CLSTN1: variants seen among roughly 807,000 people sequenced by gnomAD.
CLSTN1 encodes calsyntenin 1.
CLSTN1 carries 28 observed loss-of-function variants against 108.3 expected under a neutral mutation model. The observed-to-expected ratio is 0.26, with a 90% CI of 0.19 to 0.35. CLSTN1 has a LOEUF of 0.35. Among genes scored for constraint, CLSTN1 ranks in the 10% least tolerant of loss-of-function variants. CLSTN1 has a pLI of 1.00. For synonymous variants in CLSTN1, 524 were observed against 534.9 expected (o/e 0.98, Z 0.28); for missense variants, 1,157 against 1,302.6 (o/e 0.89, Z 1.72).
At chr1:9,756,625 G>C (rs966832481) in intron 2 of CLSTN1, 115 bp from the exon 3 acceptor site, 29 of 812,210 alleles carry the variant, frequency 3.6e-5, no homozygotes, top group Non-Finnish European at 5.0e-5. Flanking sequence ...CAAGCTCAGC[G>C]ACCGGCTTCT....
Position 9,734,200 on chromosome 1 carries a change from G to C in CLSTN1, c.2111-58C>G. 6.4e-7 allele frequency: 1 copy of C among 1,557,358 alleles called. No individual in the cohort carries two copies. The highest frequency in any genetic ancestry group is 1.1e-5 in the South Asian group (1 of 87,348). On this transcript the variant is annotated intron_variant, in intron 14 of 18. Coordinates refer to ENST00000377298, the MANE Select transcript of CLSTN1 (RefSeq NM_001009566.3). The surrounding 1 kb of genome is among the most constrained non-coding windows in gnomAD (Gnocchi z 4.8). ...AGGGGCAGTGGGGCCCAGCGTGGCG[G>C]GGCACACTGGATGCCCTGCCGGCTC...
intron 1 of CLSTN1, among the ~76,000 whole-genome samples, chr1:9,773,923 G>A (rs1328726863): frequency 1.2e-4 from 17 of 146,350 alleles, no homozygotes; most frequent in African/African-American, 4.3e-4. Context: ...TTTACTCTTT[G>A]TACAGACAGG....
chr1:9,733,932 G>C, intron 15 of CLSTN1, 40 bp downstream of exon 15: 1 of 1,574,302 alleles, frequency 6.4e-7, no homozygotes, highest in Non-Finnish European at 8.6e-7. Context: ...GTCCCCTCTT[G>C]CAGCCTGGCC....
At chr1:9,765,902 G>C (rs887008497) in intron 2 of CLSTN1, among the ~76,000 whole-genome samples, 3 of 152,166 alleles carry the variant, frequency 2.0e-5, no homozygotes, top group African/African-American at 4.8e-5. Flanking sequence ...TTTCATGCAG[G>C]TCAACCAATT....
chr1:9,812,767 G>C (rs1016518780), intron 1 of CLSTN1, among the ~76,000 whole-genome samples: 5 of 150,852 alleles, frequency 3.3e-5, no homozygotes, highest in Non-Finnish European at 7.4e-5. Flanking sequence ...AGAATCACTT[G>C]AACCCAGGAG....
intron 2 of CLSTN1, among the ~76,000 whole-genome samples, chr1:9,771,524 G>C (rs1652675393): frequency 6.6e-6 from 1 of 152,066 alleles, no homozygotes; most frequent in African/African-American, 2.4e-5. Context: ...TGAGGCAGGA[G>C]AACTGCTTGA....
At chr1:9,756,703 T>C (rs1651823310) in intron 2 of CLSTN1, among the ~76,000 whole-genome samples, 193 bp from the exon 3 acceptor site, 1 of 152,204 alleles carries the variant, frequency 6.6e-6, no homozygotes, top group African/African-American at 2.4e-5. Flanking sequence ...TACCATGAAC[T>C]ACTGCATAAT....
intron 4 of CLSTN1, 91 bp from the exon 5 acceptor site, chr1:9,751,772 C>T (rs967606198): frequency 8.0e-5 from 90 of 1,131,466 alleles, no homozygotes; most frequent in Non-Finnish European, 1.1e-4. Context: ...CCCAATTCTG[C>T]CCTACTTTAA....
rs12728958 is a variant in CLSTN1 at position 9,816,581 on chromosome 1, T to G, written c.91+7062A>C. Among the ~76,000 whole-genome samples, 8 of 15,050 alleles carry G rather than the reference T, an allele frequency of 5.3e-4. No individual in the cohort carries two copies. The Non-Finnish European group carries it at 0.01, about 20-fold the overall frequency. The allele number at this position is 15,050 out of a possible 152,430, so 9.9% of individuals were successfully genotyped here. On this transcript the variant is annotated intron_variant, in intron 1 of 18. Transcript: ENST00000377298. ...AGTGGATGCAGAAAAAGGTGGGTTT[T>G]TTTGTTTGTTTGTTTGAGACAAAGT... is the stretch of plus-strand genomic sequence containing the variant.
intron 1 of CLSTN1, among the ~76,000 whole-genome samples, chr1:9,790,489 T>C (rs1205308829): frequency 1.3e-5 from 2 of 151,490 alleles, no homozygotes; most frequent in Non-Finnish European, 2.9e-5. Flanking sequence ...TATACGGTCA[T>C]GGTGTATCAT....
intron 1 of CLSTN1, among the ~76,000 whole-genome samples, chr1:9,787,135 A>G (rs546340766): frequency 1.5e-3 from 220 of 151,050 alleles, no homozygotes; most frequent in Non-Finnish European, 2.4e-3. Flanking sequence ...GCTGTCCCCA[A>G]CTAGAACTGA....
intron 9 of CLSTN1, 144 bp downstream of exon 9, chr1:9,743,740 A>G: frequency 6.9e-6 from 5 of 719,544 alleles, no homozygotes; most frequent in Admixed American, 3.1e-5. Context: ...TTTTTTTTGT[A>G]GGGACAGGAT....
At chr1:9,766,365 G>A (rs1238643644) in intron 2 of CLSTN1, among the ~76,000 whole-genome samples, 2 of 152,006 alleles carry the variant, frequency 1.3e-5, no homozygotes, top group East Asian at 3.9e-4. Flanking sequence ...TATATAAAAT[G>A]TAAACAAAAT....
chr1:9,796,743 A>G (rs1430500955), intron 1 of CLSTN1, among the ~76,000 whole-genome samples: 1 of 152,212 alleles, frequency 6.6e-6, no homozygotes, highest in Non-Finnish European at 1.5e-5. Context: ...ATGACCACCT[A>G]AAAGGTCACT....
chr1:9,746,880 T>G (rs1557696129), intron 7 of CLSTN1, among the ~76,000 whole-genome samples: 1 of 151,990 alleles, frequency 6.6e-6, no homozygotes, highest in African/African-American at 2.4e-5. Context: ...AAAACACACA[T>G]AGAAGTACCT....
At chr1:9,808,820 G>C (rs1348994232) in intron 1 of CLSTN1, among the ~76,000 whole-genome samples, 3 of 152,046 alleles carry the variant, frequency 2.0e-5, no homozygotes, top group African/African-American at 7.2e-5. Context: ...GCTTGCCCCA[G>C]CTTACCTGTC....
At position 9,823,740 on chromosome 1, in the gene CLSTN1, C is replaced by G. The variant is rs1272580362; in HGVS notation, c.-7G>C. 2.4e-5 allele frequency: 25 copies of G among 1,050,296 alleles called. No individual in the cohort carries two copies. Among genetic ancestry groups the G allele is most frequent in the African/African-American group, 3.4e-5 (2 of 58,396 alleles). The allele number at this position is 1,050,296 out of a possible 1,614,324, so 65.1% of individuals were successfully genotyped here. ...GAGCGGGGCGGCGCAGCATCGCCAG[C>G]CCGGGGCGGGAGCGGCAGGGAGGCG... is the stretch of plus-strand genomic sequence containing the variant. On this transcript the variant is annotated 5_prime_UTR_variant, in exon 1 of 19. Transcript: ENST00000377298. The surrounding 1 kb of genome is among the most constrained non-coding windows in gnomAD (Gnocchi z 6.3).
intron 1 of CLSTN1, among the ~76,000 whole-genome samples, chr1:9,813,868 G>A (rs899846899): frequency 1.3e-5 from 2 of 152,110 alleles, no homozygotes; most frequent in African/African-American, 4.8e-5. Flanking sequence ...GGGAGGCCAA[G>A]GCGGGAGGAT....
chr1:9,729,983 G>A lies in CLSTN1; in HGVS notation c.*525C>T, dbSNP rs1188275584. ...AGTCCCGGGTTACACTAGCACAAAGGACACAAGGAATCCGATTTATTTACA... is the reference window on the plus strand; with the variant it reads ...AGTCCCGGGTTACACTAGCACAAAGAACACAAGGAATCCGATTTATTTACA... On this transcript the variant is annotated 3_prime_UTR_variant, in exon 19 of 19. Coordinates refer to ENST00000377298, the MANE Select transcript of CLSTN1 (RefSeq NM_001009566.3). 3 of 162,234 alleles carry A rather than the reference G, an allele frequency of 1.8e-5. No individual in the cohort carries two copies. The highest frequency in any genetic ancestry group is 4.1e-5 in the Non-Finnish European group (3 of 72,646). The allele number at this position is 162,234 out of a possible 1,614,324, so 10.0% of individuals were successfully genotyped here. A position where few individuals can be genotyped will look rare whatever the true frequency, so the allele number is the denominator to read the frequency against.
Sources: gnomAD v4.1 joint callset for allele counts (sites outside exome capture counted in the v4.1 genomes callset) on GRCh38, gnomAD v4.1.1 for gene constraint, Gnocchi (gnomAD v3.1) non-coding constraint, MANE v1.5 for transcripts, NCBI Gene and HGNC (gene_info 2026-07-23, HGNC 2026-07-21) for gene names.